The following PHACTR4 variants were observed in gnomAD, a reference collection of about 807,000 sequenced individuals.
The protein encoded by PHACTR4 is protein phosphatase 1, regulatory subunit 124.
In PHACTR4, 51 loss-of-function variants were observed where a neutral mutation model predicts 72.7. The observed-to-expected ratio is 0.70, with a 90% CI of 0.56 to 0.89. The LOEUF is 0.89. Ranked by LOEUF, PHACTR4 falls within the 40% of genes least tolerant of loss-of-function variation. The pLI, the probability that PHACTR4 is intolerant of heterozygous loss-of-function variation, is 0.00. For synonymous variants in PHACTR4, 255 were observed against 302.5 expected (o/e 0.84, Z 1.63); for missense variants, 731 against 861.8 (o/e 0.85, Z 1.90).
intron 13 of PHACTR4, 75 bp downstream of exon 13, chr1:28,493,166 T>A: frequency 8.3e-7 from 1 of 1,211,944 alleles, no homozygotes; most frequent in Non-Finnish European, 1.2e-6. Flanking sequence ...TGAAGGGCTC[T>A]AATGACATCA....
chr1:28,394,152 G>A (rs947455253), intron 1 of PHACTR4, among the ~76,000 whole-genome samples: 17 of 151,912 alleles, frequency 1.1e-4, no homozygotes, highest in African/African-American at 3.6e-4. Context: ...AAGTCAAGAT[G>A]TAGAAGTGGA....
chr1:28,418,884 G>C (rs532011570), intron 2 of PHACTR4, among the ~76,000 whole-genome samples: 1 of 151,614 alleles, frequency 6.6e-6, no homozygotes, highest in African/African-American at 2.4e-5. Flanking sequence ...CCTGGAGGCA[G>C]AGGTTGCAAT....
At chr1:28,376,088 A>G (rs576772403) in intron 1 of PHACTR4, among the ~76,000 whole-genome samples, 1 of 151,670 alleles carries the variant, frequency 6.6e-6, no homozygotes, top group Non-Finnish European at 1.5e-5. Context: ...AAACAAACAA[A>G]CAAAAAAAAC....
rs571549999 is a variant in PHACTR4 at position 28,405,178 on chromosome 1, G to A, written c.-38-2232G>A. Among the ~76,000 whole-genome samples the A allele has an allele frequency of 1.2e-3, 190 of 152,018 alleles. 6 individuals carry two copies. The South Asian group carries it at 0.036, about 29-fold the overall frequency. On this transcript the variant is annotated intron_variant, in intron 1 of 13. Transcript: ENST00000373839. Reference sequence around the variant, plus strand: ...CATCCTTTGCCCATTTTTAAATTGGGTTGTCTTTTTGTTATTGAGTTATTG... The same window carrying A: ...CATCCTTTGCCCATTTTTAAATTGGATTGTCTTTTTGTTATTGAGTTATTG...
At chr1:28,465,261 A>G (rs1659067934) in intron 4 of PHACTR4, among the ~76,000 whole-genome samples, 1 of 152,084 alleles carries the variant, frequency 6.6e-6, no homozygotes, top group Non-Finnish European at 1.5e-5. Flanking sequence ...GGAGATCGAG[A>G]CCATCCTGGC....
At chr1:28,478,415 T>C (rs928692653) in intron 8 of PHACTR4, among the ~76,000 whole-genome samples, 1 of 152,080 alleles carries the variant, frequency 6.6e-6, no homozygotes, top group East Asian at 1.9e-4. Flanking sequence ...AACAGTGGGA[T>C]TGCTGGATCG....
At chr1:28,381,801 C>G (rs1652190967) in intron 1 of PHACTR4, among the ~76,000 whole-genome samples, 1 of 152,114 alleles carries the variant, frequency 6.6e-6, no homozygotes, top group African/African-American at 2.4e-5. Flanking sequence ...GAGACAGAGT[C>G]TTGCTCTGTT....
At chr1:28,448,251 C>T (rs1187951803) in intron 2 of PHACTR4, among the ~76,000 whole-genome samples, 1 of 151,916 alleles carries the variant, frequency 6.6e-6, no homozygotes, top group Non-Finnish European at 1.5e-5. Context: ...CACGGTGGCT[C>T]ATGCCTGTAA....
chr1:28,388,849 C>CA (rs796116641), intron 1 of PHACTR4, among the ~76,000 whole-genome samples: 1,619 of 148,116 alleles, frequency 0.011, 27 homozygotes, highest in African/African-American at 0.038. Context: ...GACTCCATCT[C>CA]AAAAAAAAAA....
chr1:28,425,168 A>C (rs1026958553), intron 2 of PHACTR4, among the ~76,000 whole-genome samples: 5 of 152,008 alleles, frequency 3.3e-5, no homozygotes, highest in Admixed American at 3.3e-4. Context: ...CCCAATCTGG[A>C]GTGCATTGGC....
intron 1 of PHACTR4, among the ~76,000 whole-genome samples, chr1:28,371,556 A>G (rs1012421510): frequency 3.3e-5 from 5 of 151,990 alleles, no homozygotes; most frequent in African/African-American, 1.2e-4. Context: ...CGGTCTCCCA[A>G]AGTGCTGGGA....
At chr1:28,486,730 A>G (rs1024602844) in intron 9 of PHACTR4, among the ~76,000 whole-genome samples, 1 of 151,936 alleles carries the variant, frequency 6.6e-6, no homozygotes, top group Non-Finnish European at 1.5e-5. Flanking sequence ...CTAGTGGTGC[A>G]TGCCTGTAGT....
intron 1 of PHACTR4, among the ~76,000 whole-genome samples, chr1:28,404,923 C>G (rs377055503): frequency 6.6e-6 from 1 of 152,008 alleles, no homozygotes; most frequent in Admixed American, 6.6e-5. Context: ...ATCCTTCACC[C>G]TCAAGCAGGC....
chr1:28,472,957 A>G (rs1659663570), intron 6 of PHACTR4, among the ~76,000 whole-genome samples: 2 of 151,110 alleles, frequency 1.3e-5, no homozygotes. Flanking sequence ...CTCTATTCAT[A>G]TTAACTACAC....
intron 2 of PHACTR4, among the ~76,000 whole-genome samples, chr1:28,457,567 C>T (rs1191401115): frequency 6.6e-6 from 1 of 152,004 alleles, no homozygotes; most frequent in Admixed American, 6.6e-5. Context: ...TACACTACTG[C>T]ACTTCATCCT....
chr1:28,462,650 G>GTGGT (rs1658897557), intron 4 of PHACTR4, among the ~76,000 whole-genome samples: 2 of 133,760 alleles, frequency 1.5e-5, no homozygotes, highest in Middle Eastern at 7.8e-3. Flanking sequence ...ATAGGCATGA[G>GTGGT]CCACCACGCC....
At position 28,465,857 on chromosome 1, in the gene PHACTR4, ACT is replaced by A. The variant is rs751493283; in HGVS notation, c.436+11_436+12del. On this transcript the variant is annotated intron_variant, in intron 5 of 13. Transcript: ENST00000373839. ...ACCTAAAGAAACGACTAGGTAAGAA[ACT>A]CTGGATTTTTGAGTTTAAGAGCCAC... 1.9e-6 allele frequency: 3 copies of A among 1,597,312 alleles called. No individual in the cohort carries two copies. Among genetic ancestry groups the A allele is most frequent in the Middle Eastern group, 1.7e-4 (1 of 5,976 alleles).
At chr1:28,452,203 G>GA (rs370566838) in intron 2 of PHACTR4, among the ~76,000 whole-genome samples, 63 of 148,014 alleles carry the variant, frequency 4.3e-4, no homozygotes, top group South Asian at 4.1e-3. Flanking sequence ...ACAACAATTT[G>GA]AAAAAAAAAA....
In PHACTR4 at chr1:28,380,051, CT is replaced by C. The variant is rs1227241664; in HGVS notation, c.-39+10249del. ...TTATTCTGTGTTTTTTTAAATGTAA[CT>C]TTTTTTTTTTTTTTTTTTTTTTGAG... is the stretch of plus-strand genomic sequence containing the variant. On this transcript the variant is annotated intron_variant, in intron 1 of 13. Coordinates refer to ENST00000373839, the MANE Select transcript of PHACTR4 (RefSeq NM_001048183.3). Among the ~76,000 whole-genome samples the C allele has an allele frequency of 3.8e-3, 446 of 117,252 alleles. 1 individual carries two copies. Among genetic ancestry groups the C allele is most frequent in the African/African-American group, 0.012 (364 of 30,734 alleles). 76.9% of individuals were successfully genotyped at this position (117,252 alleles called of 152,430 possible).
Sources: gnomAD v4.1 joint callset for allele counts (sites outside exome capture counted in the v4.1 genomes callset) on GRCh38, gnomAD v4.1.1 for gene constraint, MANE v1.5 for transcripts, NCBI Gene and HGNC (gene_info 2026-07-23, HGNC 2026-07-21) for gene names.